The following CADM1 variants were observed in gnomAD, a reference collection of about 807,000 sequenced individuals.
CADM1 encodes cell adhesion molecule 1, also known as TSLC-1.
CADM1 carries 15 observed loss-of-function variants against 53.1 expected under a neutral mutation model. The ratio of observed to expected loss-of-function variants is 0.28; its 90% CI spans 0.19 to 0.44. CADM1 has a LOEUF of 0.44. Among genes scored for constraint, CADM1 ranks in the 20% least tolerant of loss-of-function variants. CADM1 has a pLI of 1.00. For missense variants in CADM1, 434 were observed against 611.3 expected, an observed-to-expected ratio of 0.71 and a Z score of 3.06; for synonymous variants, 281 against 243.0, an observed-to-expected ratio of 1.16 and a Z score of -1.45.
intron 1 of CADM1, among the ~76,000 whole-genome samples, chr11:115,308,912 CTT>C (rs1289734272): frequency 6.6e-6 from 1 of 151,284 alleles, no homozygotes; most frequent in Non-Finnish European, 1.5e-5. Context: ...ATTTACCTCT[CTT>C]AATTTTAAAT....
chr11:115,419,417 G>A (rs1265339400), intron 1 of CADM1, among the ~76,000 whole-genome samples: 3 of 152,060 alleles, frequency 2.0e-5, no homozygotes, highest in Non-Finnish European at 4.4e-5. Context: ...AATCCAAAAA[G>A]TTTGTTTGTG....
chr11:115,206,626 T>C (rs1320589208), intron 8 of CADM1, among the ~76,000 whole-genome samples: 1 of 152,092 alleles, frequency 6.6e-6, no homozygotes, highest in East Asian at 1.9e-4. Context: ...AGAAATCAAC[T>C]ATGACTTCTC....
chr11:115,309,643 G>T (rs1944478817), intron 1 of CADM1, among the ~76,000 whole-genome samples: 3 of 152,072 alleles, frequency 2.0e-5, no homozygotes, highest in Admixed American at 1.3e-4. Context: ...AAGCTAAGCA[G>T]TGAGGTTTGC....
intron 1 of CADM1, among the ~76,000 whole-genome samples, chr11:115,367,931 T>G (rs916107198): frequency 6.6e-6 from 1 of 152,032 alleles, no homozygotes; most frequent in Non-Finnish European, 1.5e-5. Context: ...CTTTTAAGAC[T>G]GAGATTGAAA....
intron 1 of CADM1, among the ~76,000 whole-genome samples, chr11:115,404,838 C>A (rs1947272665): frequency 7.0e-6 from 1 of 142,340 alleles, no homozygotes. Flanking sequence ...CAAGACCCTG[C>A]CTCAGGAAAA....
At chr11:115,271,781 T>A (rs1371380944) in intron 1 of CADM1, among the ~76,000 whole-genome samples, 4 of 152,216 alleles carry the variant, frequency 2.6e-5, no homozygotes, top group African/African-American at 9.6e-5. Flanking sequence ...GTACTATTCT[T>A]GGCTAAATTT....
intron 9 of CADM1, among the ~76,000 whole-genome samples, chr11:115,191,314 CATTTT>C (rs1939850734): frequency 6.6e-6 from 1 of 152,248 alleles, no homozygotes; most frequent in Admixed American, 6.5e-5. Context: ...GATGTATGTA[CATTTT>C]ATTTCGCATT....
At chr11:115,278,741 A>T (rs1943510926) in intron 1 of CADM1, among the ~76,000 whole-genome samples, 2 of 152,216 alleles carry the variant, frequency 1.3e-5, no homozygotes, top group African/African-American at 4.8e-5. Context: ...CGAAGAGGTT[A>T]CTGGAGCATT....
intron 1 of CADM1, among the ~76,000 whole-genome samples, chr11:115,253,570 T>G (rs1398595401): frequency 6.6e-6 from 1 of 152,200 alleles, no homozygotes; most frequent in Non-Finnish European, 1.5e-5. Flanking sequence ...TAGATATTCT[T>G]AGGTAAAAAT....
At chr11:115,469,256 T>A (rs1948958248) in intron 1 of CADM1, among the ~76,000 whole-genome samples, 1 of 152,212 alleles carries the variant, frequency 6.6e-6, no homozygotes, top group African/African-American at 2.4e-5. Flanking sequence ...TAAAAAATAA[T>A]AATAGCTGAC....
chr11:115,280,986 A>G (rs1031227081), intron 1 of CADM1, among the ~76,000 whole-genome samples: 1 of 152,258 alleles, frequency 6.6e-6, no homozygotes, highest in African/African-American at 2.4e-5. Context: ...TGGAATAGAA[A>G]TAAGAGCTCA....
intron 1 of CADM1, among the ~76,000 whole-genome samples, chr11:115,496,393 A>G (rs1245765944): frequency 6.6e-6 from 1 of 152,220 alleles, no homozygotes; most frequent in African/African-American, 2.4e-5. Context: ...TGCAAAGGTA[A>G]CCAGCTGAAG....
At chr11:115,462,723 T>G (rs1948822533) in intron 1 of CADM1, among the ~76,000 whole-genome samples, 1 of 152,146 alleles carries the variant, frequency 6.6e-6, no homozygotes, top group African/African-American at 2.4e-5. Flanking sequence ...CAACAAGACT[T>G]AATTGTTCTG....
intron 1 of CADM1, among the ~76,000 whole-genome samples, chr11:115,312,927 A>T (rs1303081534): frequency 6.6e-6 from 1 of 152,144 alleles, no homozygotes; most frequent in African/African-American, 2.4e-5. Flanking sequence ...TTCTCTAAAC[A>T]ATGTGAGCAG....
intron 1 of CADM1, among the ~76,000 whole-genome samples, chr11:115,402,624 A>C (rs1221242418): frequency 6.6e-6 from 1 of 152,212 alleles, no homozygotes; most frequent in Admixed American, 6.5e-5. Flanking sequence ...ATAAACAGGG[A>C]GTATACAGAA....
At chr11:115,404,569 A>G (rs749832185) in intron 1 of CADM1, among the ~76,000 whole-genome samples, 3 of 149,902 alleles carry the variant, frequency 2.0e-5, no homozygotes, top group Non-Finnish European at 4.4e-5. Context: ...TGCCTGCATT[A>G]AAATTAATAT....
Position 115,504,141 on chromosome 11 carries a change from C to T in CADM1, c.124+130G>A. The T allele has an allele frequency of 2.2e-6, 3 of 1,382,076 alleles. No individual in the cohort carries two copies. In the East Asian group the frequency reaches 7.5e-5, roughly 35 times the overall value. 85.6% of individuals were successfully genotyped at this position (1,382,076 alleles called of 1,614,324 possible). Reference sequence around the variant, plus strand: ...TCCCTCTCAGCCCTGAGTTTCCTCTCCACACTCCCTCCGCTTCGGATGTAG... The same window carrying T: ...TCCCTCTCAGCCCTGAGTTTCCTCTTCACACTCCCTCCGCTTCGGATGTAG... On this transcript the variant is annotated intron_variant, in intron 1 of 11. Transcript: ENST00000331581.
At chr11:115,363,184 G>A (rs1946074377) in intron 1 of CADM1, among the ~76,000 whole-genome samples, 1 of 152,186 alleles carries the variant, frequency 6.6e-6, no homozygotes, top group Non-Finnish European at 1.5e-5. Flanking sequence ...CCTGGCACCT[G>A]TTCCATGATC....
At chr11:115,181,206 CAAAGAA>C (rs550532549) in intron 10 of CADM1, among the ~76,000 whole-genome samples, 4 of 151,762 alleles carry the variant, frequency 2.6e-5, no homozygotes, top group South Asian at 2.1e-4. Flanking sequence ...GGCTCTGTGA[CAAAGAA>C]AAACAAAAAC....
Sources: allele counts gnomAD v4.1 joint callset (sites outside exome capture counted in the v4.1 genomes callset), GRCh38; gene constraint gnomAD v4.1.1; transcripts MANE v1.5; gene names NCBI Gene and HGNC (gene_info 2026-07-23, HGNC 2026-07-21).